The following MTA3 variants were observed in gnomAD, a reference collection of about 807,000 sequenced individuals.
MTA3 encodes the protein metastasis associated 1 family member 3, also known as metastasis-associated protein MTA3.
Under a neutral mutation model 83.5 loss-of-function variants are expected in MTA3, and 34 were observed. That is an observed-to-expected ratio of 0.41 (90% CI 0.31 to 0.54). The LOEUF (loss-of-function observed/expected upper bound fraction) is 0.54. MTA3 is among the 20% of genes least tolerant of loss of function. The pLI is 0.33. For synonymous variants in MTA3, 303 were observed against 252.7 expected (o/e 1.20, Z -1.89); for missense variants, 761 against 726.4 (o/e 1.05, Z -0.55).
chr2:42,648,524 T>TACTG (rs1037507987), intron 6 of MTA3, among the ~76,000 whole-genome samples: 12 of 152,338 alleles, frequency 7.9e-5, no homozygotes, highest in African/African-American at 2.6e-4. Flanking sequence ...ATGGATAGGA[T>TACTG]ACTGAGAGAT....
intron 3 of MTA3, among the ~76,000 whole-genome samples, chr2:42,607,061 T>A (rs1259694117): frequency 8.4e-6 from 1 of 118,870 alleles, no homozygotes; most frequent in African/African-American, 3.4e-5. Context: ...AGACCGGAGG[T>A]AGAGGTAGGG....
chr2:42,702,132 AC>A (rs2104488739), intron 11 of MTA3, among the ~76,000 whole-genome samples: 1 of 151,044 alleles, frequency 6.6e-6, no homozygotes, highest in East Asian at 1.9e-4. Flanking sequence ...AATCGCTTGA[AC>A]CTGGGAGGTG....
intron 2 of MTA3, among the ~76,000 whole-genome samples, chr2:42,551,930 G>A (rs575316279): frequency 1.3e-5 from 2 of 152,134 alleles, no homozygotes; most frequent in South Asian, 4.2e-4. Flanking sequence ...GTTTCACCAT[G>A]TTGGCCAAGA....
At chr2:42,695,892 T>A in intron 10 of MTA3, 53 bp downstream of exon 10, 2 of 1,209,978 alleles carry the variant, frequency 1.7e-6, no homozygotes, top group Non-Finnish European at 2.3e-6. Flanking sequence ...GAACTTTCTG[T>A]TTATATTTTA....
intron 2 of MTA3, among the ~76,000 whole-genome samples, chr2:42,520,940 A>G (rs984801545): frequency 2.6e-5 from 4 of 152,058 alleles, no homozygotes; most frequent in Non-Finnish European, 5.9e-5. Flanking sequence ...GACTTTGATA[A>G]ATATCTCTTT....
chr2:42,545,543 T>C (rs1489061575), intron 2 of MTA3, among the ~76,000 whole-genome samples: 1 of 151,588 alleles, frequency 6.6e-6, no homozygotes, highest in Non-Finnish European at 1.5e-5. Flanking sequence ...TGAGTTGGAG[T>C]TAAAAATGTG....
At chr2:42,672,645 C>CAAAA (rs5830734) in intron 8 of MTA3, among the ~76,000 whole-genome samples, 3 of 51,550 alleles carry the variant, frequency 5.8e-5, no homozygotes, top group South Asian at 1.3e-3. Context: ...ATTCCATCTC[C>CAAAA]AAAAAAAAAA....
At chr2:42,584,848 T>C (rs1291872989) in intron 3 of MTA3, among the ~76,000 whole-genome samples, 1 of 151,882 alleles carries the variant, frequency 6.6e-6, no homozygotes, top group Non-Finnish European at 1.5e-5. Context: ...GTGTTTGCAC[T>C]CCACCCTGGG....
chr2:42,635,448 T>C (rs1462950254), intron 4 of MTA3, among the ~76,000 whole-genome samples: 1 of 151,960 alleles, frequency 6.6e-6, no homozygotes, highest in East Asian at 1.9e-4. Context: ...ACCAACATGG[T>C]GAAACCCCGT....
rs757073278 is a variant in MTA3 at position 42,659,772 on chromosome 2, G to T, written c.612G>T (p.Gly204=). The change falls in exon 8 of 17, where the codon GGG becomes GGT. Residue 204 remains glycine (G), a synonymous_variant. Transcript: ENST00000405094. ...TTTGTGGTTTATTCAGTGCTGTTGG[G>T]ACATTCGCCAGAGCCCTGGATTGCA... is the stretch of plus-strand genomic sequence containing the variant. ...DQFLVVARAV[G]TFARALDCSS... is the part of the protein sequence containing the mutation. 5 of 1,596,596 alleles carry T rather than the reference G, an allele frequency of 3.1e-6. No homozygotes were observed. The highest frequency in any genetic ancestry group is 1.7e-4 in the Middle Eastern group (1 of 6,002).
rs1418289407 is a variant in MTA3 at position 42,549,245 on chromosome 2, AATATATT to A, written c.-140-21179_-140-21173del. On this transcript the variant is annotated intron_variant, in intron 2 of 17. Transcript: ENST00000405592. The stretch of plus-strand genomic sequence containing the variant: ...ATATATTATATATGTATACGTATAT[AATATATT>A]ATATATTATATACGTGTACGTATAT... Among the ~76,000 whole-genome samples the A allele has an allele frequency of 1.4e-4, 19 of 131,596 alleles. No homozygotes were observed. The East Asian group carries it at 3.2e-3, about 22-fold the overall frequency. 86.3% of individuals were successfully genotyped at this position (131,596 alleles called of 152,430 possible).
At chr2:42,549,439 G>T (rs865786850) in intron 2 of MTA3, among the ~76,000 whole-genome samples, 1 of 45,808 alleles carries the variant, frequency 2.2e-5, no homozygotes, top group African/African-American at 1.1e-4. Context: ...TAATATATAC[G>T]TATACATATA....
At chr2:42,529,896 G>C (rs923932902) in intron 2 of MTA3, among the ~76,000 whole-genome samples, 4 of 152,146 alleles carry the variant, frequency 2.6e-5, no homozygotes, top group Non-Finnish European at 1.5e-5. Context: ...TTCTCATTAA[G>C]ATTACAATCG....
Position 42,609,724 on chromosome 2 carries a change from G to C in MTA3, c.317+140G>C, listed in dbSNP as rs975660708. The C allele has an allele frequency of 4.2e-6, 4 of 958,406 alleles. No individual in the cohort carries two copies. The African/African-American group carries it at 6.5e-5, about 16-fold the overall frequency. 59.4% of individuals were successfully genotyped at this position (958,406 alleles called of 1,614,324 possible). ...AGGCTTCATAATGGAATTTTAGGTT[G>C]GAAATTTATAATGTGTATTACCATA... On this transcript the variant is annotated intron_variant, in intron 4 of 16. Coordinates refer to ENST00000405094, the MANE Select transcript of MTA3 (RefSeq NM_001330442.2).
At chr2:42,695,505 A>G (rs1250195933) in intron 9 of MTA3, among the ~76,000 whole-genome samples, 1 of 151,608 alleles carries the variant, frequency 6.6e-6, no homozygotes, top group Non-Finnish European at 1.5e-5. Flanking sequence ...GCATGGTGGC[A>G]TGTGCTTCTA....
At chr2:42,722,086 T>C (rs1290201362) in intron 15 of MTA3, among the ~76,000 whole-genome samples, 1 of 152,112 alleles carries the variant, frequency 6.6e-6, no homozygotes, top group African/African-American at 2.4e-5. Context: ...TGTGTGTAGT[T>C]GGCCAGCTGC....
intron 16 of MTA3, among the ~76,000 whole-genome samples, chr2:42,745,948 G>A (rs1388126540): frequency 6.6e-6 from 1 of 151,440 alleles, no homozygotes; most frequent in Non-Finnish European, 1.5e-5. Flanking sequence ...TGAGTAGCTG[G>A]GATTACAGCC....
chr2:42,629,598 C>G (rs1049656780), intron 4 of MTA3, among the ~76,000 whole-genome samples: 2 of 152,100 alleles, frequency 1.3e-5, no homozygotes, highest in African/African-American at 4.8e-5. Context: ...AATCTATCTC[C>G]TCAGGGAATT....
At chr2:42,693,604 G>A (rs566748986) in intron 9 of MTA3, among the ~76,000 whole-genome samples, 16 of 151,062 alleles carry the variant, frequency 1.1e-4, no homozygotes, top group African/African-American at 3.7e-4. Flanking sequence ...ATTTTAGTCA[G>A]CTGGTGGGGA....
Sources: gnomAD v4.1 joint callset for allele counts (sites outside exome capture counted in the v4.1 genomes callset) on GRCh38, gnomAD v4.1.1 for gene constraint, MANE v1.5 for transcripts, NCBI Gene and HGNC (gene_info 2026-07-23, HGNC 2026-07-21) for gene names.